Variants in GLIS3 observed in about 807,000 individuals in gnomAD.
GLIS3 encodes the protein zinc finger protein GLIS3.
In GLIS3, 53 loss-of-function variants were observed where a neutral mutation model predicts 78.6. That is an observed-to-expected ratio of 0.67 (90% CI 0.54 to 0.85). The LOEUF is 0.85. Among genes scored for constraint, GLIS3 ranks in the 40% least tolerant of loss-of-function variants. The probability of loss-of-function intolerance (pLI) is 0.00; values close to 1 mark genes in which losing one functional copy is unlikely to be tolerated. For missense variants in GLIS3, 1,703 were observed against 1,231.1 expected (o/e 1.38, Z -5.74); for synonymous variants, 684 against 509.9 (o/e 1.34, Z -4.60).
chr9:4,396,607 T>C, the GLIS3 span, among the ~76,000 whole-genome samples: 1 of 152,368 alleles, frequency 6.6e-6, no homozygotes, highest in African/African-American at 2.4e-5. Flanking sequence ...GACTTCTAGC[T>C]AGCTTTAATC....
intron 2 of GLIS3, among the ~76,000 whole-genome samples, chr9:4,230,750 G>A (rs1217035833): frequency 6.6e-6 from 1 of 152,154 alleles, no homozygotes; most frequent in Non-Finnish European, 1.5e-5. Context: ...AAAAGAAATA[G>A]CATAAAAAGC....
chr9:3,830,458 C>G (rs991088553), intron 9 of GLIS3, among the ~76,000 whole-genome samples: 6 of 152,194 alleles, frequency 3.9e-5, no homozygotes, highest in Admixed American at 1.3e-4. Flanking sequence ...GTGTCTGTCT[C>G]CTCAACCGTA....
intron 7 of GLIS3, among the ~76,000 whole-genome samples, chr9:3,884,158 C>G (rs1821917206): frequency 6.6e-6 from 1 of 152,150 alleles, no homozygotes; most frequent in African/African-American, 2.4e-5. Context: ...TCTCTTTGTC[C>G]AAATGAAAAC....
At chr9:4,478,605 T>TA in the GLIS3 span, among the ~76,000 whole-genome samples, 27,140 of 142,292 alleles carry the variant, frequency 0.19, 2,960 homozygotes, top group African/African-American at 0.33. Context: ...AGATTCCATC[T>TA]AAAAAAAAAA....
At chr9:4,445,928 T>C in the GLIS3 span, among the ~76,000 whole-genome samples, 1 of 152,242 alleles carries the variant, frequency 6.6e-6, no homozygotes, top group Non-Finnish European at 1.5e-5. Flanking sequence ...TAGGTAGTTT[T>C]CACCATATCA....
At chr9:3,862,402 C>T (rs961358335) in intron 8 of GLIS3, among the ~76,000 whole-genome samples, 3 of 152,180 alleles carry the variant, frequency 2.0e-5, no homozygotes, top group Non-Finnish European at 4.4e-5. Context: ...CAGCCCTGAA[C>T]TGGAGTTCTT....
chr9:4,364,255 A>G, the GLIS3 span, among the ~76,000 whole-genome samples: 1 of 152,244 alleles, frequency 6.6e-6, no homozygotes, highest in South Asian at 2.1e-4. Flanking sequence ...AAATCTCTGT[A>G]GACCTTTGGT....
At chr9:4,241,643 A>T (rs1486607511) in intron 2 of GLIS3, among the ~76,000 whole-genome samples, 1 of 152,124 alleles carries the variant, frequency 6.6e-6, no homozygotes, top group East Asian at 1.9e-4. Context: ...GGAATTTAAC[A>T]TTATACTCAC....
At chr9:4,139,717 T>C (rs909644090) in intron 2 of GLIS3, among the ~76,000 whole-genome samples, 1 of 152,144 alleles carries the variant, frequency 6.6e-6, no homozygotes, top group Non-Finnish European at 1.5e-5. Flanking sequence ...CCACCTCAGA[T>C]CATCAGGCAT....
At chr9:4,272,316 T>C (rs569602441) in intron 2 of GLIS3, among the ~76,000 whole-genome samples, 4 of 152,296 alleles carry the variant, frequency 2.6e-5, no homozygotes, top group East Asian at 3.9e-4. Flanking sequence ...CCACACATAG[T>C]AGAAATTCTG....
chr9:4,457,637 G>A, the GLIS3 span, among the ~76,000 whole-genome samples: 1 of 151,886 alleles, frequency 6.6e-6, no homozygotes, highest in Non-Finnish European at 1.5e-5. Context: ...CATGAGGTCA[G>A]GAGATCGAGA....
intron 7 of GLIS3, among the ~76,000 whole-genome samples, chr9:3,895,370 G>A (rs372655208): frequency 5.3e-5 from 8 of 152,282 alleles, no homozygotes; most frequent in East Asian, 1.9e-4. Flanking sequence ...CTTGAGGCCT[G>A]CTTATTGCTG....
chr9:4,430,968 G>T, the GLIS3 span, among the ~76,000 whole-genome samples: 2 of 151,726 alleles, frequency 1.3e-5, no homozygotes, highest in African/African-American at 2.4e-5. Context: ...CTCAGTTTCA[G>T]TTCCTCTAAC....
intron 2 of GLIS3, among the ~76,000 whole-genome samples, chr9:4,177,410 G>A (rs975226057): frequency 3.3e-5 from 5 of 152,162 alleles, no homozygotes. Flanking sequence ...TTTTAGATCA[G>A]CCCCAAATTT....
At chr9:4,399,496 G>A in the GLIS3 span, among the ~76,000 whole-genome samples, 1 of 152,162 alleles carries the variant, frequency 6.6e-6, no homozygotes, top group Non-Finnish European at 1.5e-5. Context: ...TCTCATAGCT[G>A]GCCAGGAGGC....
At chr9:3,890,443 T>A (rs1239890204) in intron 7 of GLIS3, among the ~76,000 whole-genome samples, 4 of 152,174 alleles carry the variant, frequency 2.6e-5, no homozygotes, top group Admixed American at 2.6e-4. Context: ...AGGGGTTCTA[T>A]TCACTGCCAC....
At chr9:4,233,367 C>G (rs1052839127) in intron 2 of GLIS3, among the ~76,000 whole-genome samples, 3 of 152,224 alleles carry the variant, frequency 2.0e-5, no homozygotes, top group African/African-American at 7.2e-5. Context: ...CTCCTTGATC[C>G]TTGGGCTGCA....
At chr9:4,026,810 C>CT (rs1279863631) in intron 4 of GLIS3, among the ~76,000 whole-genome samples, 1 of 152,186 alleles carries the variant, frequency 6.6e-6, no homozygotes, top group East Asian at 1.9e-4. Flanking sequence ...AAATTAACTT[C>CT]TATTGGCCAA....
chr9:4,195,083 C>G (rs1371776442), intron 2 of GLIS3, among the ~76,000 whole-genome samples: 1 of 152,240 alleles, frequency 6.6e-6, no homozygotes, highest in Admixed American at 6.5e-5. Context: ...GAACTGTGCT[C>G]TCCCCAACTG....
Sources: allele counts gnomAD v4.1 joint callset (sites outside exome capture counted in the v4.1 genomes callset), GRCh38; gene constraint gnomAD v4.1.1; transcripts MANE v1.5; gene names NCBI Gene and HGNC (gene_info 2026-07-23, HGNC 2026-07-21).